GDAP1L1: variants seen among roughly 807,000 people sequenced by gnomAD.
GDAP1L1 encodes ganglioside-induced differentiation-associated protein 1-like 1.
A neutral mutation model predicts 37.1 loss-of-function variants in GDAP1L1; 21 were observed. The observed-to-expected ratio is 0.57, with a 90% confidence interval of 0.40 to 0.81. The LOEUF (loss-of-function observed/expected upper bound fraction) is 0.81. Among genes scored for constraint, GDAP1L1 ranks in the 40% least tolerant of loss-of-function variants. The pLI is 0.00. For missense variants in GDAP1L1, 362 were observed against 491.6 expected, an observed-to-expected ratio of 0.74 and a Z score of 2.49; for synonymous variants, 193 against 209.1, an observed-to-expected ratio of 0.92 and a Z score of 0.67.
At chr20:44,264,420 T>A in intron 4 of GDAP1L1, 25 bp from the exon 5 acceptor site, 1 of 1,453,036 alleles carries the variant, frequency 6.9e-7, no homozygotes, top group Non-Finnish European at 9.1e-7. Flanking sequence ...CAACTCAGCT[T>A]CTCTTGGCCC....
intron 1 of GDAP1L1, among the ~76,000 whole-genome samples, chr20:44,248,737 C>A (rs568162607): frequency 6.6e-5 from 10 of 152,302 alleles, no homozygotes; most frequent in African/African-American, 2.4e-4. Flanking sequence ...CTGGATTCTA[C>A]CCCAAGGATC....
intron 5 of GDAP1L1, among the ~76,000 whole-genome samples, chr20:44,277,172 C>A (rs185799641): frequency 6.6e-6 from 1 of 152,112 alleles, no homozygotes; most frequent in Non-Finnish European, 1.5e-5. Context: ...TTACAGGTAA[C>A]CGCCACCATG....
chr20:44,275,374 A>G (rs998212462), intron 5 of GDAP1L1, among the ~76,000 whole-genome samples: 1 of 152,198 alleles, frequency 6.6e-6, no homozygotes, highest in Non-Finnish European at 1.5e-5. Context: ...TCCGTGACCA[A>G]GAAGATGTAG....
upstream of GDAP1L1, chr20:44,247,214 C>A: frequency 1.0e-6 from 1 of 985,350 alleles, no homozygotes; most frequent in Non-Finnish European, 1.6e-6. Context: ...TGAGTAATGA[C>A]ATTCACGGAG....
chr20:44,272,211 C>A (rs978025518), intron 5 of GDAP1L1, among the ~76,000 whole-genome samples: 2 of 152,132 alleles, frequency 1.3e-5, no homozygotes, highest in African/African-American at 4.8e-5. Context: ...GATGTGGAGA[C>A]GTGGCATGGA....
chr20:44,255,903 C>G (rs552674164), intron 1 of GDAP1L1, among the ~76,000 whole-genome samples: 3 of 152,302 alleles, frequency 2.0e-5, no homozygotes, highest in Non-Finnish European at 4.4e-5. Flanking sequence ...GGCAATAGGA[C>G]TAGGTGATCT....
chr20:44,258,489 G>A lies in GDAP1L1; in HGVS notation c.429G>A (p.Leu143=), dbSNP rs1292424245. ...GCAGCCTGCAGCACGCACGGGTGCT[G>A]CAGTACCGGGAGCTGCTGGACGCAC... is the stretch of plus-strand genomic sequence containing the variant. ...EVGSLQHARV[L]QYRELLDALP... Residue 143 remains leucine, a synonymous_variant, in exon 3 of 6, where the codon CTG becomes CTA. Coordinates refer to ENST00000342560, the MANE Select transcript of GDAP1L1 (RefSeq NM_024034.6). 1 of 1,559,466 alleles carries A rather than the reference G, an allele frequency of 6.4e-7. No homozygotes were observed.
intron 3 of GDAP1L1, among the ~76,000 whole-genome samples, chr20:44,259,339 A>G (rs2073630181): frequency 6.6e-6 from 1 of 152,150 alleles, no homozygotes; most frequent in East Asian, 1.9e-4. Flanking sequence ...AAGACACCTG[A>G]AGATTCTTAG....
In GDAP1L1 at chr20:44,279,673, G is replaced by A. The variant is rs1568661903; in HGVS notation, c.*373G>A. ...AGGGCCCAGATTCTGGGAGGTGCTG[G>A]GGACTCAGAGGGCCTGACCCCTCAC... On this transcript the variant is annotated 3_prime_UTR_variant, in exon 6 of 6. Transcript: ENST00000342560. The A allele has an allele frequency of 2.1e-6, 1 of 478,364 alleles. No individual in the cohort carries two copies. Among genetic ancestry groups the A allele is most frequent in the South Asian group, 1.5e-5 (1 of 64,652 alleles). The allele number at this position is 478,364 out of a possible 1,614,324, so 29.6% of individuals were successfully genotyped here. A position where few individuals can be genotyped will look rare whatever the true frequency, so the allele number is the denominator to read the frequency against.
chr20:44,272,124 G>C (rs974850994), intron 5 of GDAP1L1, among the ~76,000 whole-genome samples: 7 of 152,208 alleles, frequency 4.6e-5, no homozygotes, highest in Non-Finnish European at 1.0e-4. Context: ...CCGGGGGGTG[G>C]AGCCAGCAAG....
chr20:44,258,955 A>G (rs1269304229), intron 3 of GDAP1L1, among the ~76,000 whole-genome samples: 4 of 105,088 alleles, frequency 3.8e-5, no homozygotes, highest in African/African-American at 1.5e-4. Flanking sequence ...CCTGTCCCCT[A>G]CTCTTGTCCT....
At chr20:44,273,304 C>A (rs1353659107) in intron 5 of GDAP1L1, among the ~76,000 whole-genome samples, 1 of 152,176 alleles carries the variant, frequency 6.6e-6, no homozygotes, top group Non-Finnish European at 1.5e-5. Flanking sequence ...ATCTCTTGGG[C>A]TGCTTCTTCT....
chr20:44,271,638 G>A (rs2062516823), intron 5 of GDAP1L1, among the ~76,000 whole-genome samples: 1 of 152,134 alleles, frequency 6.6e-6, no homozygotes, highest in Admixed American at 6.5e-5. Context: ...AGAAGGTGGT[G>A]GTGGCTGAAG....
chr20:44,278,866 G>A, intron 5 of GDAP1L1, 91 bp from the exon 6 acceptor site: 1 of 796,606 alleles, frequency 1.3e-6, no homozygotes, highest in Non-Finnish European at 2.1e-6. Flanking sequence ...TACTGGGGCA[G>A]GCATGCAGAA....
intron 1 of GDAP1L1, among the ~76,000 whole-genome samples, chr20:44,247,738 C>G (rs1191663041): frequency 6.7e-6 from 1 of 149,740 alleles, no homozygotes; most frequent in Non-Finnish European, 1.5e-5. Flanking sequence ...TTAGGAGCAT[C>G]CATTCTGCCT....
chr20:44,255,541 CAAAAAAAAAAAA>C (rs60318296), intron 1 of GDAP1L1, among the ~76,000 whole-genome samples: 20 of 45,816 alleles, frequency 4.4e-4, no homozygotes, highest in African/African-American at 1.5e-3. Flanking sequence ...GACTCTGTCT[CAAAAAAAAAAAA>C]AAAAAAAAAA....
intron 3 of GDAP1L1, among the ~76,000 whole-genome samples, chr20:44,260,285 C>CAAAAA (rs113753379): frequency 8.2e-5 from 9 of 110,186 alleles, no homozygotes; most frequent in Admixed American, 1.9e-4. Context: ...AAGTGAAGGG[C>CAAAAA]AAAAAAAAAA....
In GDAP1L1 at chr20:44,280,072, C is replaced by T. The variant is rs1185201588; in HGVS notation, c.*772C>T. The T allele has an allele frequency of 3.0e-6, 1 of 330,144 alleles. No individual in the cohort carries two copies. The highest frequency in any genetic ancestry group is 7.9e-5 in the East Asian group (1 of 12,666). 20.5% of individuals were successfully genotyped at this position (330,144 alleles called of 1,614,324 possible). On this transcript the variant is annotated 3_prime_UTR_variant, in exon 6 of 6. Transcript: ENST00000342560. Reference sequence around the variant, plus strand: ...AGTAAAAGCCATGTTGACCCTCTCTCAGAAGGTCAGTCCAGCCCAAGTGCA... The same window carrying T: ...AGTAAAAGCCATGTTGACCCTCTCTTAGAAGGTCAGTCCAGCCCAAGTGCA...
chr20:44,247,184 C>T, upstream of GDAP1L1: 1 of 766,272 alleles, frequency 1.3e-6, no homozygotes, highest in Non-Finnish European at 2.1e-6. Context: ...ATCCCCTCGC[C>T]CCCTCCCCCA....
Sources: gnomAD v4.1 joint callset for allele counts (sites outside exome capture counted in the v4.1 genomes callset) on GRCh38, gnomAD v4.1.1 for gene constraint, MANE v1.5 for transcripts, NCBI Gene and HGNC (gene_info 2026-07-23, HGNC 2026-07-21) for gene names.